Variants in SYTL5 observed in about 807,000 individuals in gnomAD.
SYTL5 encodes synaptotagmin-like protein 5.
Under a neutral mutation model 55.9 loss-of-function variants are expected in SYTL5, and 34 were observed. That is an observed-to-expected ratio of 0.61 (90% confidence interval 0.46 to 0.81). The LOEUF is 0.81. Among genes scored for constraint, SYTL5 ranks in the 30% least tolerant of loss-of-function variants. The probability of loss-of-function intolerance (pLI) is 0.00; values close to 1 mark genes in which losing one functional copy is unlikely to be tolerated. For missense variants in SYTL5, 637 were observed against 546.7 expected (o/e 1.17, Z -1.65); for synonymous variants, 221 against 188.7 (o/e 1.17, Z -1.40).
intron 9 of SYTL5, among the ~76,000 whole-genome samples, chrX:38,101,637 G>T (rs1937086427): frequency 9.2e-6 from 1 of 109,282 alleles, no homozygotes; most frequent in Non-Finnish European, 1.9e-5. Context: ...ATCTATCTAT[G>T]TGTATATATG....
chrX:37,976,299 A>G, the SYTL5 span, among the ~76,000 whole-genome samples: 19,688 of 111,887 alleles, frequency 0.18, 2,761 homozygotes, highest in African/African-American at 0.47. Context: ...TAACTCTTGC[A>G]TAAGCAGACT....
chrX:37,914,577 C>T, the SYTL5 span, among the ~76,000 whole-genome samples: 2 of 111,316 alleles, frequency 1.8e-5, no homozygotes, highest in African/African-American at 3.3e-5. Context: ...CAGAATAGTA[C>T]TGGGGAGACA....
the SYTL5 span, among the ~76,000 whole-genome samples, chrX:37,978,790 G>C: frequency 9.0e-6 from 1 of 110,617 alleles, no homozygotes; most frequent in Non-Finnish European, 1.9e-5. Flanking sequence ...AAGCTTCAAA[G>C]ATGAAAAAAA....
intron 13 of SYTL5, among the ~76,000 whole-genome samples, chrX:38,115,768 T>C (rs1057445354): frequency 8.9e-6 from 1 of 111,743 alleles, no homozygotes; most frequent in African/African-American, 3.3e-5. Context: ...CATTATTTAA[T>C]TGGATTATTT....
rs1935032956 is a variant in SYTL5 at position 38,033,967 on chromosome X, G to A, written c.78G>A (p.Lys26=). 10 of 1,192,794 alleles carry A rather than the reference G, an allele frequency of 8.4e-6. No individual in the cohort carries two copies. The highest frequency in any genetic ancestry group is 1.1e-5 in the Non-Finnish European group (10 of 881,644). The change falls in exon 2 of 17, where the codon AAG becomes AAA. Residue 26 remains lysine (K), a synonymous_variant. Transcript: ENST00000297875. ...AGGAAATGATCCTGGGCGTCCTAAA[G>A]AGAGATGAATATTTGAAAAAAGTGG... The part of the protein sequence containing the change: ...HEKEMILGVL[K]RDEYLKKVED...
At chrX:38,017,111 G>C (rs560372145) in intron 1 of SYTL5, among the ~76,000 whole-genome samples, 1 of 111,000 alleles carries the variant, frequency 9.0e-6, no homozygotes, top group Non-Finnish European at 1.9e-5. Context: ...GATGCGAGAG[G>C]TTGCCCATTC....
chrX:37,973,669 A>T, the SYTL5 span, among the ~76,000 whole-genome samples: 351 of 108,914 alleles, frequency 3.2e-3, 1 homozygote, highest in African/African-American at 0.011. Context: ...AGTCTCCCCC[A>T]GTCGCCCAGG....
chrX:37,957,993 G>T, the SYTL5 span, among the ~76,000 whole-genome samples: 1 of 111,809 alleles, frequency 8.9e-6, no homozygotes, highest in Non-Finnish European at 1.9e-5. Context: ...CAGATCACTT[G>T]AGGTCAGGAG....
rs1937704793 is a variant in SYTL5 at position 38,128,075 on chromosome X, C to T, written c.*1345C>T. 1 of 112,209 alleles carries T rather than the reference C, an allele frequency of 8.9e-6. No homozygotes were observed. Among genetic ancestry groups the T allele is most frequent in the Non-Finnish European group, 1.9e-5 (1 of 53,264 alleles). The allele number at this position is 112,209 out of a possible 1,213,427, so 9.2% of individuals were successfully genotyped here. A position where few individuals can be genotyped will look rare whatever the true frequency, so the allele number is the denominator to read the frequency against. On this transcript the variant is annotated 3_prime_UTR_variant, in exon 17 of 17. Transcript: ENST00000297875. ...GAATTGGGGCCAACAGTTCAATCTACCATACCTTCTCTCACCTGGAATTCC... is the reference window on the plus strand; with the variant it reads ...GAATTGGGGCCAACAGTTCAATCTATCATACCTTCTCTCACCTGGAATTCC...
chrX:37,958,951 A>AG, the SYTL5 span, among the ~76,000 whole-genome samples: 3 of 112,025 alleles, frequency 2.7e-5, no homozygotes, highest in South Asian at 3.8e-4. Context: ...CTGGCGTGGG[A>AG]GGGGGGGTTG....
chrX:38,066,954 C>T (rs1257481049), intron 3 of SYTL5, among the ~76,000 whole-genome samples: 2 of 111,091 alleles, frequency 1.8e-5, no homozygotes, highest in Non-Finnish European at 3.8e-5. Context: ...TTAGAGATAC[C>T]GTATATAAAG....
intron 2 of SYTL5, among the ~76,000 whole-genome samples, chrX:38,047,267 C>T (rs948962639): frequency 1.8e-5 from 2 of 112,964 alleles, no homozygotes; most frequent in Non-Finnish European, 3.8e-5. Flanking sequence ...GGCCCTGCCC[C>T]TCCAGCAAAC....
chrX:38,120,378 T>C lies in SYTL5; in HGVS notation c.1617T>C (p.Ile539=), dbSNP rs757256246. 2.5e-6 allele frequency: 3 copies of C among 1,210,497 alleles called. No homozygotes were observed. Among genetic ancestry groups the C allele is most frequent in the Non-Finnish European group, 2.2e-6 (2 of 894,414 alleles). ...LQPKVEFAPD[I]GLQYKGELTV... Reference sequence around the variant, plus strand: ...GCCAGGTGGAGTTTGCTCCTGATATTGGCCTTCAATACAAAGGAGAGCTGA... The same window carrying C: ...GCCAGGTGGAGTTTGCTCCTGATATCGGCCTTCAATACAAAGGAGAGCTGA... Residue 539 remains isoleucine, a synonymous_variant, in exon 14 of 17, where the codon ATT becomes ATC. Transcript: ENST00000297875.
the SYTL5 span, among the ~76,000 whole-genome samples, chrX:37,962,548 C>T: frequency 8.9e-6 from 1 of 111,930 alleles, no homozygotes; most frequent in Non-Finnish European, 1.9e-5. Context: ...GTGCATGTGT[C>T]TTTATAGCAG....
intron 3 of SYTL5, among the ~76,000 whole-genome samples, chrX:38,065,462 C>A (rs937566872): frequency 4.5e-5 from 5 of 111,735 alleles, no homozygotes; most frequent in African/African-American, 6.5e-5. Context: ...TGTGGATATG[C>A]AATTCTAGAT....
rs903007305 is a variant in SYTL5 at position 38,096,450 on chromosome X, A to G, written c.1062+216A>G. On this transcript the variant is annotated intron_variant, in intron 9 of 16. Transcript: ENST00000297875. ...ATGTTAATGAGTGAAGGTTATGTCT[A>G]AGAAAACACATGTTGGAGATTTCAA... Among the ~76,000 whole-genome samples, 6 of 111,719 alleles carry G rather than the reference A, an allele frequency of 5.4e-5. No individual in the cohort carries two copies. In the East Asian group the frequency reaches 1.7e-3, roughly 31 times the overall value.
At chrX:37,989,624 G>A in the SYTL5 span, among the ~76,000 whole-genome samples, 22 of 111,837 alleles carry the variant, frequency 2.0e-4, no homozygotes, top group African/African-American at 3.6e-4. Context: ...TTGGATTTGA[G>A]ACTCCTTTTT....
At chrX:38,075,799 G>C (rs1936376274) in intron 5 of SYTL5, among the ~76,000 whole-genome samples, 1 of 111,860 alleles carries the variant, frequency 8.9e-6, no homozygotes, top group Non-Finnish European at 1.9e-5. Flanking sequence ...GAAAACTGTA[G>C]AATGTAAATG....
At chrX:37,900,905 A>G in the SYTL5 span, among the ~76,000 whole-genome samples, 1 of 111,510 alleles carries the variant, frequency 9.0e-6, no homozygotes, top group Non-Finnish European at 1.9e-5. Flanking sequence ...CCAGGAGATC[A>G]TCAGTTAGGG....
Sources: gnomAD v4.1 joint callset for allele counts (sites outside exome capture counted in the v4.1 genomes callset) on GRCh38, gnomAD v4.1.1 for gene constraint, MANE v1.5 for transcripts, NCBI Gene and HGNC (gene_info 2026-07-23, HGNC 2026-07-21) for gene names.